The following RAB3GAP2 variants were observed in gnomAD, a reference collection of about 807,000 sequenced individuals.
RAB3GAP2 encodes the protein rab3 GTPase-activating protein non-catalytic subunit.
A neutral mutation model predicts 185.3 loss-of-function variants in RAB3GAP2; 87 were observed. The observed-to-expected ratio is 0.47, with a 90% CI of 0.39 to 0.56. The LOEUF (loss-of-function observed/expected upper bound fraction) is 0.56. Among genes scored for constraint, RAB3GAP2 ranks in the 20% least tolerant of loss-of-function variants. The pLI is 0.00. For synonymous variants in RAB3GAP2, 554 were observed against 576.1 expected (o/e 0.96, Z 0.55); for missense variants, 1,492 against 1,638.2 (o/e 0.91, Z 1.54).
chr1:220,171,999 G>T lies in RAB3GAP2; in HGVS notation c.2467C>A (p.Gln823Lys). The T allele has an allele frequency of 1.2e-6, 2 of 1,614,176 alleles. No individual in the cohort carries two copies. The highest frequency in any genetic ancestry group is 1.7e-6 in the Non-Finnish European group (2 of 1,180,030). The change falls in exon 23 of 35, where the codon CAG (glutamine) becomes AAG (lysine). Residue 823 changes from glutamine (Q) to lysine (K), a missense_variant. Gln to Lys is a moderately conservative substitution (Grantham distance 53, BLOSUM62 1). Around this residue, in one of 5 missense-constraint regions of RAB3GAP2, gnomAD observed 681 missense variants for 689.1 expected, o/e 0.99. Transcript: ENST00000358951. ...DSQSVSPWWQ[Q>K]MRTACIQSEN... is the part of the protein sequence containing the mutation. The stretch of plus-strand genomic sequence containing the variant: ...GACTGAATACAGGCTGTGCGCATCT[G>T]CTGCCACCATGGGGACACAGACTGA...
chr1:220,236,535 T>C (rs1350337074), intron 1 of RAB3GAP2, among the ~76,000 whole-genome samples: 2 of 152,182 alleles, frequency 1.3e-5, no homozygotes, highest in East Asian at 1.9e-4. Context: ...CTATGTCCTA[T>C]TGAAAATCAT....
chr1:220,151,854 G>C, intron 33 of RAB3GAP2, 90 bp from the exon 34 acceptor site: 1 of 1,345,554 alleles, frequency 7.4e-7, no homozygotes. Flanking sequence ...AGAGATTCTA[G>C]TTGATTTTTG....
At chr1:220,194,461 C>T (rs950895247) in intron 12 of RAB3GAP2, among the ~76,000 whole-genome samples, 6 of 151,910 alleles carry the variant, frequency 3.9e-5, no homozygotes, top group African/African-American at 7.3e-5. Flanking sequence ...AGTGCAATAT[C>T]GGCTCACTGC....
chr1:220,206,324 A>G (rs894019419), intron 7 of RAB3GAP2, among the ~76,000 whole-genome samples: 1 of 152,226 alleles, frequency 6.6e-6, no homozygotes, highest in African/African-American at 2.4e-5. Flanking sequence ...AAACAGAAGA[A>G]AACTCACCTG....
At chr1:220,254,791 A>G (rs1660005002) in intron 1 of RAB3GAP2, among the ~76,000 whole-genome samples, 1 of 150,296 alleles carries the variant, frequency 6.7e-6, no homozygotes, top group Non-Finnish European at 1.5e-5. Context: ...AGAGTGTTTT[A>G]TTGCCTAGTT....
intron 2 of RAB3GAP2, among the ~76,000 whole-genome samples, chr1:220,214,470 G>T (rs566679737): frequency 1.3e-5 from 2 of 151,990 alleles, no homozygotes; most frequent in South Asian, 4.1e-4. Context: ...AGGTTACAGT[G>T]AGCTGAGATC....
chr1:220,231,562 C>T (rs1480824349), intron 2 of RAB3GAP2, among the ~76,000 whole-genome samples: 1 of 152,160 alleles, frequency 6.6e-6, no homozygotes, highest in African/African-American at 2.4e-5. Flanking sequence ...CAGGTATCAA[C>T]TCCTTCCGTG....
intron 32 of RAB3GAP2, 134 bp from the exon 33 acceptor site, chr1:220,153,540 C>G: frequency 1.3e-6 from 1 of 776,058 alleles, no homozygotes; most frequent in Middle Eastern, 3.7e-4. Context: ...AAAAAAGGAA[C>G]ACATCATTTA....
At chr1:220,246,885 C>T (rs531837335) in intron 1 of RAB3GAP2, among the ~76,000 whole-genome samples, 17 of 149,232 alleles carry the variant, frequency 1.1e-4, no homozygotes, top group South Asian at 6.4e-4. Context: ...CTAACCTGCA[C>T]GATGTGCACA....
At chr1:220,267,288 CAGAATTAGGTAGACTCT>C in intron 1 of RAB3GAP2, 1 of 944,890 alleles carries the variant, frequency 1.1e-6, no homozygotes, top group Non-Finnish European at 1.8e-6. Flanking sequence ...GTGTATATTC[CAGAATTAGGTAGACTCT>C]GGTGGCATCA....
At chr1:220,186,886 T>C (rs1658517005) in intron 17 of RAB3GAP2, among the ~76,000 whole-genome samples, 1 of 152,232 alleles carries the variant, frequency 6.6e-6, no homozygotes, top group South Asian at 2.1e-4. Context: ...GTTATGACCC[T>C]TTCTACTACA....
chr1:220,250,487 T>C (rs1024485189), intron 1 of RAB3GAP2, among the ~76,000 whole-genome samples: 7 of 152,180 alleles, frequency 4.6e-5, no homozygotes, highest in African/African-American at 1.4e-4. Context: ...AGATGATACT[T>C]TGGACTTGAA....
intron 9 of RAB3GAP2, among the ~76,000 whole-genome samples, chr1:220,200,325 C>G (rs552777072): frequency 5.6e-4 from 86 of 152,298 alleles, no homozygotes; most frequent in African/African-American, 2.0e-3. Flanking sequence ...TTACTCTCTA[C>G]CATAACCTAC....
intron 1 of RAB3GAP2, among the ~76,000 whole-genome samples, chr1:220,243,977 A>G (rs1031650200): frequency 6.6e-6 from 1 of 152,220 alleles, no homozygotes; most frequent in African/African-American, 2.4e-5. Context: ...TGAATGGGAA[A>G]AGTTGAAAGG....
At chr1:220,197,847 T>C (rs1658759836) in intron 9 of RAB3GAP2, among the ~76,000 whole-genome samples, 1 of 152,156 alleles carries the variant, frequency 6.6e-6, no homozygotes, top group Non-Finnish European at 1.5e-5. Flanking sequence ...CTACCAATGA[T>C]GTTTTCCTTC....
At chr1:220,249,579 A>G (rs1165606605) in intron 1 of RAB3GAP2, among the ~76,000 whole-genome samples, 1 of 152,228 alleles carries the variant, frequency 6.6e-6, no homozygotes, top group Non-Finnish European at 1.5e-5. Context: ...AGAAATTTGC[A>G]TAAGTAATGA....
chr1:220,188,411 T>C lies in RAB3GAP2; in HGVS notation c.1779+1292A>G, dbSNP rs540737525. ...AGAGTTATCCATGGGGATCGAAGCATTATGTAAGAATTTGTGGAGTTAGGA... is the reference window on the plus strand; with the variant it reads ...AGAGTTATCCATGGGGATCGAAGCACTATGTAAGAATTTGTGGAGTTAGGA... On this transcript the variant is annotated intron_variant, in intron 17 of 34. Transcript: ENST00000358951. 1.4e-4 allele frequency among the ~76,000 whole-genome samples: 21 copies of C among 152,258 alleles called. 1 individual carries two copies. The South Asian group carries it at 4.4e-3, about 32-fold the overall frequency.
Position 220,191,154 on chromosome 1 carries a change from G to C in RAB3GAP2, c.1401C>G (p.Ile467Met), listed in dbSNP as rs777959245. 2 of 1,614,040 alleles carry C rather than the reference G, an allele frequency of 1.2e-6. No individual in the cohort carries two copies. Among genetic ancestry groups the C allele is most frequent in the Admixed American group, 1.7e-5 (1 of 60,002 alleles). The change falls in exon 14 of 35, where the codon ATC becomes ATG. Residue 467 changes from isoleucine (I) to methionine (M), a missense_variant. This residue lies in a region of RAB3GAP2 where 681 missense variants were observed against 689.1 expected (regional missense o/e 0.99). Coordinates refer to ENST00000358951, the MANE Select transcript of RAB3GAP2 (RefSeq NM_012414.4). ...GPSRVAQFLV[I>M]YAPRRGILEV... ...CTAAAATTCCCCTTCTTGGCGCATA[G>C]ATCACAAGGAATTGAGCTACTCGAC...
chr1:220,255,180 A>G (rs898730497), intron 1 of RAB3GAP2, among the ~76,000 whole-genome samples: 2 of 151,848 alleles, frequency 1.3e-5, no homozygotes, highest in Non-Finnish European at 2.9e-5. Flanking sequence ...CAGATCTTCA[A>G]TAAATTTTTT....
Sources: gnomAD v4.1 joint callset for allele counts (sites outside exome capture counted in the v4.1 genomes callset) on GRCh38, gnomAD v4.1.1 for gene constraint, gnomAD v4.1.1 regional missense constraint, MANE v1.5 for transcripts, NCBI Gene and HGNC (gene_info 2026-07-23, HGNC 2026-07-21) for gene names.